Variants in RAB6B observed in about 807,000 individuals in gnomAD.
RAB6B encodes the protein RAB6B, member RAS oncogene family.
In RAB6B, 7 loss-of-function variants were observed where a neutral mutation model predicts 31.2. The ratio of observed to expected loss-of-function variants is 0.22; its 90% CI spans 0.13 to 0.42. RAB6B has a LOEUF of 0.42. Ranked by LOEUF, RAB6B falls within the 10% of genes least tolerant of loss-of-function variation. The pLI, the probability that RAB6B is intolerant of heterozygous loss-of-function variation, is 1.00. For missense variants in RAB6B, 149 were observed against 280.6 expected, an observed-to-expected ratio of 0.53 and a Z score of 3.35; for synonymous variants, 105 against 104.9, an observed-to-expected ratio of 1.00 and a Z score of -0.01.
chr3:133,872,480 G>A (rs1363192507), intron 1 of RAB6B, among the ~76,000 whole-genome samples: 1 of 152,214 alleles, frequency 6.6e-6, no homozygotes, highest in Admixed American at 6.5e-5. Flanking sequence ...GTGGTGACAA[G>A]TGAAACAGTT....
At chr3:133,889,375 T>C (rs1422928715) in intron 1 of RAB6B, among the ~76,000 whole-genome samples, 1 of 101,062 alleles carries the variant, frequency 9.9e-6, no homozygotes, top group Non-Finnish European at 2.0e-5. Flanking sequence ...AAAAGGACAA[T>C]AAGGTTATTT....
chr3:133,847,227 TG>T (rs1935919160), intron 2 of RAB6B, among the ~76,000 whole-genome samples: 1 of 152,252 alleles, frequency 6.6e-6, no homozygotes, highest in Admixed American at 6.5e-5. Flanking sequence ...TCTGTGTCAC[TG>T]CTAAGAAAAT....
At chr3:133,882,906 G>A (rs1383492574) in intron 1 of RAB6B, among the ~76,000 whole-genome samples, 1 of 152,224 alleles carries the variant, frequency 6.6e-6, no homozygotes, top group East Asian at 1.9e-4. Flanking sequence ...GCAGCAGCCT[G>A]CAGTGTTTGG....
chr3:133,854,102 T>G (rs1936040173), intron 2 of RAB6B, among the ~76,000 whole-genome samples: 1 of 152,072 alleles, frequency 6.6e-6, no homozygotes, highest in Non-Finnish European at 1.5e-5. Flanking sequence ...CTCTGATGAG[T>G]TCTGCACTGA....
intron 2 of RAB6B, 70 bp from the exon 3 acceptor site, chr3:133,841,733 A>G (rs1157948356): frequency 1.3e-6 from 2 of 1,526,682 alleles, no homozygotes; most frequent in Non-Finnish European, 9.0e-7. Context: ...CCTAGCGACC[A>G]CAGGTGGTGG....
chr3:133,891,178 A>G (rs1936633408), intron 1 of RAB6B, among the ~76,000 whole-genome samples: 1 of 152,154 alleles, frequency 6.6e-6, no homozygotes, highest in Non-Finnish European at 1.5e-5. Flanking sequence ...TGAGCCTTCC[A>G]GGCAGTGGGG....
At chr3:133,863,557 T>C (rs1936192973) in intron 2 of RAB6B, among the ~76,000 whole-genome samples, 1 of 152,190 alleles carries the variant, frequency 6.6e-6, no homozygotes, top group African/African-American at 2.4e-5. Context: ...CTACACACTA[T>C]ATCCCTCTTT....
chr3:133,829,971 G>A (rs1576390826), intron 7 of RAB6B, among the ~76,000 whole-genome samples: 1 of 152,012 alleles, frequency 6.6e-6, no homozygotes, highest in South Asian at 2.1e-4. Flanking sequence ...GTATGTATAT[G>A]TATCTTATAC....
intron 2 of RAB6B, among the ~76,000 whole-genome samples, chr3:133,847,349 C>T (rs1028092001): frequency 9.8e-5 from 15 of 152,348 alleles, no homozygotes; most frequent in South Asian, 6.2e-4. Flanking sequence ...TATCCCCACA[C>T]GCCTCCAGGC....
intron 1 of RAB6B, among the ~76,000 whole-genome samples, chr3:133,889,388 T>TTACATATA (rs1936598157): frequency 1.2e-5 from 1 of 80,274 alleles, no homozygotes; most frequent in Non-Finnish European, 2.5e-5. Flanking sequence ...GGTTATTTTG[T>TTACATATA]TATATATATA....
At position 133,841,286 on chromosome 3, in the gene RAB6B, T is replaced by G. The variant is rs747100803; in HGVS notation, c.288A>C (p.Thr96=). The change falls in exon 4 of 8, where the codon ACA becomes ACC. Residue 96 remains threonine (T), a splice_region_variant and synonymous_variant. Transcript: ENST00000285208. ...CCTTAGGAGCAGAGCCTCACTCACT[T>G]GTGATGTCGTACACCACCACAGCCA... The part of the protein sequence containing the change: ...STVAVVVYDI[T]NLNSFQQTSK... The G allele has an allele frequency of 1.2e-6, 2 of 1,614,026 alleles. No individual in the cohort carries two copies. Among genetic ancestry groups the G allele is most frequent in the Admixed American group, 3.3e-5 (2 of 60,022 alleles).
chr3:133,881,913 T>G (rs553817801), intron 1 of RAB6B, among the ~76,000 whole-genome samples: 7 of 152,236 alleles, frequency 4.6e-5, no homozygotes, highest in South Asian at 2.1e-4. Context: ...ATACCAGGAA[T>G]TCAGTGGCTT....
chr3:133,852,072 C>T (rs1215949550), intron 2 of RAB6B, among the ~76,000 whole-genome samples: 5 of 152,302 alleles, frequency 3.3e-5, no homozygotes, highest in South Asian at 2.1e-4. Flanking sequence ...GTGGTCCAGG[C>T]GTGGTTTTGC....
intron 2 of RAB6B, among the ~76,000 whole-genome samples, chr3:133,857,247 T>A (rs190333882): frequency 1.5e-4 from 23 of 152,210 alleles, no homozygotes; most frequent in Admixed American, 1.2e-3. Flanking sequence ...ACAAATTAAT[T>A]ACATTCCTAC....
chr3:133,889,452 T>C (rs1053056991), intron 1 of RAB6B, among the ~76,000 whole-genome samples: 1 of 127,316 alleles, frequency 7.9e-6, no homozygotes, highest in Admixed American at 8.4e-5. Context: ...ATATTTATTT[T>C]GGGATGGAGT....
At position 133,827,613 on chromosome 3, in the gene RAB6B, A is replaced by C. The variant is rs1413765649; in HGVS notation, c.*1175T>G. Reference sequence around the variant, plus strand: ...CAGTAGCCACAAAGATATGTCCACAAAGACTTCAACTGCGCCATGCCACTG... The same window carrying C: ...CAGTAGCCACAAAGATATGTCCACACAGACTTCAACTGCGCCATGCCACTG... On this transcript the variant is annotated 3_prime_UTR_variant, in exon 8 of 8. Coordinates refer to ENST00000285208, the MANE Select transcript of RAB6B (RefSeq NM_016577.4). The C allele has an allele frequency of 2.0e-5, 9 of 445,114 alleles. No individual in the cohort carries two copies. The highest frequency in any genetic ancestry group is 3.6e-5 in the Non-Finnish European group (9 of 247,610). 27.6% of individuals were successfully genotyped at this position (445,114 alleles called of 1,614,324 possible).
intron 7 of RAB6B, among the ~76,000 whole-genome samples, chr3:133,833,699 C>T (rs1246171985): frequency 6.6e-6 from 1 of 152,192 alleles, no homozygotes; most frequent in Non-Finnish European, 1.5e-5. Context: ...CCCTCAGAGG[C>T]CTATAGGATC....
At chr3:133,871,199 C>T (rs1197102029) in intron 1 of RAB6B, among the ~76,000 whole-genome samples, 3 of 152,258 alleles carry the variant, frequency 2.0e-5, no homozygotes, top group Non-Finnish European at 4.4e-5. Context: ...AGATGCACCT[C>T]TGGCCTCAAG....
rs992343962 is a variant in RAB6B at position 133,827,846 on chromosome 3, A to T, written c.*942T>A. On this transcript the variant is annotated 3_prime_UTR_variant, in exon 8 of 8. Coordinates refer to ENST00000285208, the MANE Select transcript of RAB6B (RefSeq NM_016577.4). The stretch of plus-strand genomic sequence containing the variant: ...AGGCTTCAGGATGGCACACTGCCCA[A>T]CATCACACACTGAGTTTCTTAGACT... 1 of 633,840 alleles carries T rather than the reference A, an allele frequency of 1.6e-6. No homozygotes were observed. Among genetic ancestry groups the T allele is most frequent in the Non-Finnish European group, 2.9e-6 (1 of 344,736 alleles). The allele number at this position is 633,840 out of a possible 1,614,324, so 39.3% of individuals were successfully genotyped here. A position where few individuals can be genotyped will look rare whatever the true frequency, so the allele number is the denominator to read the frequency against.
Sources: gnomAD v4.1 joint callset for allele counts (sites outside exome capture counted in the v4.1 genomes callset) on GRCh38, gnomAD v4.1.1 for gene constraint, MANE v1.5 for transcripts, NCBI Gene and HGNC (gene_info 2026-07-23, HGNC 2026-07-21) for gene names.